The following MPZL1 variants were observed in gnomAD, a reference collection of about 807,000 sequenced individuals.
MPZL1 encodes myelin protein zero like 1.
MPZL1 carries 16 observed loss-of-function variants against 29.3 expected under a neutral mutation model. The observed-to-expected ratio is 0.55, with a 90% CI of 0.37 to 0.83. The LOEUF (loss-of-function observed/expected upper bound fraction) is 0.83, where lower values mean the gene tolerates loss of function less well. Ranked by LOEUF, MPZL1 falls within the 40% of genes least tolerant of loss-of-function variation. MPZL1 has a pLI of 0.00. For synonymous variants in MPZL1, 143 were observed against 132.0 expected (o/e 1.08, Z -0.57); for missense variants, 279 against 332.9 (o/e 0.84, Z 1.26).
chr1:167,747,444 A>G (rs1249273253), intron 1 of MPZL1, among the ~76,000 whole-genome samples: 1 of 152,162 alleles, frequency 6.6e-6, no homozygotes, highest in Admixed American at 6.5e-5. Context: ...AGGCTGGTCT[A>G]GAACTCCTAG....
intron 1 of MPZL1, among the ~76,000 whole-genome samples, chr1:167,762,844 G>C (rs1368629663): frequency 6.6e-6 from 1 of 152,214 alleles, no homozygotes; most frequent in Non-Finnish European, 1.5e-5. Flanking sequence ...GATGACAAGA[G>C]TAGTATTAGA....
At chr1:167,768,843 A>G (rs151256288) in intron 2 of MPZL1, among the ~76,000 whole-genome samples, 329 of 152,378 alleles carry the variant, frequency 2.2e-3, no homozygotes, top group Non-Finnish European at 3.9e-3. Flanking sequence ...CCGCTGGTTC[A>G]GAAATGCAAG....
chr1:167,784,406 G>T (rs1397659053), intron 5 of MPZL1, among the ~76,000 whole-genome samples: 2 of 152,156 alleles, frequency 1.3e-5, no homozygotes, highest in African/African-American at 4.8e-5. Context: ...AAGAGATAGA[G>T]TAAAACAGCT....
intron 1 of MPZL1, among the ~76,000 whole-genome samples, chr1:167,754,200 T>C (rs1435020610): frequency 6.6e-6 from 1 of 151,890 alleles, no homozygotes; most frequent in African/African-American, 2.4e-5. Context: ...GGTTTCACCA[T>C]GTTGCCCAGG....
At chr1:167,756,878 G>A (rs1558117445) in intron 1 of MPZL1, among the ~76,000 whole-genome samples, 1 of 152,108 alleles carries the variant, frequency 6.6e-6, no homozygotes, top group Non-Finnish European at 1.5e-5. Flanking sequence ...TGGGGTGTGA[G>A]GAGAGCATTT....
intron 1 of MPZL1, 84 bp from the exon 2 acceptor site, chr1:167,765,499 T>G: frequency 3.3e-6 from 4 of 1,196,506 alleles, no homozygotes; most frequent in Non-Finnish European, 4.7e-6. Flanking sequence ...GTAACTTTGC[T>G]GTATCTTTTC....
intron 1 of MPZL1, among the ~76,000 whole-genome samples, chr1:167,727,616 A>C (rs1216544736): frequency 6.6e-6 from 1 of 151,952 alleles, no homozygotes; most frequent in African/African-American, 2.4e-5. Context: ...AAGGCTGGTG[A>C]TATTAAGCCT....
At chr1:167,773,439 A>T in intron 4 of MPZL1, 71 bp downstream of exon 4, 5 of 1,486,064 alleles carry the variant, frequency 3.4e-6, no homozygotes, top group Non-Finnish European at 4.5e-6. Context: ...TTCTGTATTT[A>T]ATGAAAAAAG....
At chr1:167,770,537 C>T (rs1661217613) in intron 2 of MPZL1, among the ~76,000 whole-genome samples, 1 of 152,246 alleles carries the variant, frequency 6.6e-6, no homozygotes, top group Non-Finnish European at 1.5e-5. Flanking sequence ...GGCTTTGTTC[C>T]TTTCACACAC....
rs952149062 is a variant in MPZL1 at position 167,773,487 on chromosome 1, G to T, written c.605+119G>T. On this transcript the variant is annotated intron_variant, in intron 4 of 5. Coordinates refer to ENST00000359523, the MANE Select transcript of MPZL1 (RefSeq NM_003953.6). Reference sequence around the variant, plus strand: ...TTAACTACTATTTTCTTTCATGTCAGAATCAGGCAGTCTCCTTAGGAGGTG... The same window carrying T: ...TTAACTACTATTTTCTTTCATGTCATAATCAGGCAGTCTCCTTAGGAGGTG... 3 of 1,229,170 alleles carry T rather than the reference G, an allele frequency of 2.4e-6. No individual in the cohort carries two copies. The African/African-American group carries it at 4.7e-5, about 19-fold the overall frequency. The allele number at this position is 1,229,170 out of a possible 1,614,324, so 76.1% of individuals were successfully genotyped here.
chr1:167,726,845 T>G (rs777477534), intron 1 of MPZL1, among the ~76,000 whole-genome samples: 8 of 152,222 alleles, frequency 5.3e-5, no homozygotes, highest in Non-Finnish European at 7.3e-5. Flanking sequence ...TCTAATTTAT[T>G]TACTTATTCA....
chr1:167,730,235 C>T (rs772968038), intron 1 of MPZL1, among the ~76,000 whole-genome samples: 3 of 152,156 alleles, frequency 2.0e-5, no homozygotes, highest in Non-Finnish European at 2.9e-5. Flanking sequence ...ACTCTAAATG[C>T]TCCTCAGGGA....
chr1:167,753,566 T>G (rs924561888), intron 1 of MPZL1, among the ~76,000 whole-genome samples: 1 of 152,180 alleles, frequency 6.6e-6, no homozygotes, highest in Non-Finnish European at 1.5e-5. Context: ...GTGATTGGTT[T>G]GTGGTTAGGC....
In MPZL1 at chr1:167,741,219, G is replaced by A. The variant is rs534291434; in HGVS notation, c.91+18977G>A. Among the ~76,000 whole-genome samples, 22 of 128,616 alleles carry A rather than the reference G, an allele frequency of 1.7e-4. No homozygotes were observed. In the East Asian group the frequency reaches 1.9e-3, roughly 11 times the overall value. The allele number at this position is 128,616 out of a possible 152,430, so 84.4% of individuals were successfully genotyped here. A position where few individuals can be genotyped will look rare whatever the true frequency, so the allele number is the denominator to read the frequency against. On this transcript the variant is annotated intron_variant, in intron 1 of 5. Transcript: ENST00000359523. The stretch of plus-strand genomic sequence containing the variant: ...TTTTTTTTTTAGAGATGGGGGTTTC[G>A]CTATGTTGTCCAGGCTGGTCTTGAC...
At chr1:167,754,424 G>A (rs1017439680) in intron 1 of MPZL1, among the ~76,000 whole-genome samples, 24 of 152,288 alleles carry the variant, frequency 1.6e-4, no homozygotes, top group African/African-American at 5.8e-4. Flanking sequence ...TGAATAATTC[G>A]TGGACTTTGG....
intron 5 of MPZL1, among the ~76,000 whole-genome samples, chr1:167,783,233 T>A (rs554838903): frequency 9.2e-5 from 14 of 152,178 alleles, no homozygotes; most frequent in African/African-American, 3.4e-4. Context: ...AGAACCAAAC[T>A]GGGGCTCTTC....
At chr1:167,771,265 C>T (rs1273790240) in intron 2 of MPZL1, among the ~76,000 whole-genome samples, 1 of 152,128 alleles carries the variant, frequency 6.6e-6, no homozygotes, top group Admixed American at 6.5e-5. Flanking sequence ...ATCCATTTCA[C>T]CCTGAGTTGA....
Position 167,770,878 on chromosome 1 carries a change from G to T in MPZL1, c.259-1397G>T, listed in dbSNP as rs182835553. On this transcript the variant is annotated intron_variant, in intron 2 of 5. Transcript: ENST00000359523. ...AATTATATCAATGAAATATTGAGAG[G>T]ATTAGAGGTGATATATGAGTCTGAT... is the stretch of plus-strand genomic sequence containing the variant. Among the ~76,000 whole-genome samples the T allele has an allele frequency of 2.6e-5, 4 of 152,296 alleles. No individual in the cohort carries two copies. In the East Asian group the frequency reaches 5.8e-4, roughly 22 times the overall value.
In MPZL1 at chr1:167,753,151, G is replaced by A. The variant is rs546237612; in HGVS notation, c.92-12432G>A. Among the ~76,000 whole-genome samples, 388 of 152,280 alleles carry A rather than the reference G, an allele frequency of 2.5e-3. 4 individuals are homozygous for A. The highest frequency in any genetic ancestry group is 1.8e-3 in the Non-Finnish European group (125 of 68,014). ...TCAGGGAGGGCTTTACCAAAGTCAC[G>A]TTCAGGTGGAGTCTTGAAATTCTGT... is the stretch of plus-strand genomic sequence containing the variant. On this transcript the variant is annotated intron_variant, in intron 1 of 5. Coordinates refer to ENST00000359523, the MANE Select transcript of MPZL1 (RefSeq NM_003953.6).
Sources: gnomAD v4.1 joint callset for allele counts (sites outside exome capture counted in the v4.1 genomes callset) on GRCh38, gnomAD v4.1.1 for gene constraint, MANE v1.5 for transcripts, NCBI Gene and HGNC (gene_info 2026-07-23, HGNC 2026-07-21) for gene names.